Variants in LPP observed in about 807,000 individuals in gnomAD.
The protein encoded by LPP is LIM domain containing preferred translocation partner in lipoma, also known as lipoma-preferred partner.
In LPP, 38 loss-of-function variants were observed where a neutral mutation model predicts 60.4. The ratio of observed to expected loss-of-function variants is 0.63; its 90% CI spans 0.49 to 0.83. The LOEUF (loss-of-function observed/expected upper bound fraction) is 0.83. Among genes scored for constraint, LPP ranks in the 40% least tolerant of loss-of-function variants. The pLI is 0.00. For synonymous variants in LPP, 328 were observed against 290.8 expected, an observed-to-expected ratio of 1.13 and a Z score of -1.30; for missense variants, 902 against 783.6, an observed-to-expected ratio of 1.15 and a Z score of -1.80.
chr3:188,641,771 G>A (rs1026853125), intron 7 of LPP, among the ~76,000 whole-genome samples: 30 of 152,134 alleles, frequency 2.0e-4, no homozygotes, highest in African/African-American at 6.7e-4. Flanking sequence ...GGAAGGTTTC[G>A]GATGGACCAA....
rs1213341701 is a variant in LPP at position 188,840,769 on chromosome 3, AACT to A, written c.1411-25428_1411-25426del. Among the ~76,000 whole-genome samples the A allele has an allele frequency of 2.0e-5, 3 of 152,318 alleles. No individual in the cohort carries two copies. The East Asian group carries it at 5.8e-4, about 29-fold the overall frequency. ...ATTATCCTCATCTTACACATGAGGA[AACT>A]ACCAGTGAAGTGGCTTGCCCATCAT... On this transcript the variant is annotated intron_variant, in intron 9 of 11. Transcript: ENST00000617246.
chr3:188,626,325 T>G (rs1165163755), intron 7 of LPP, among the ~76,000 whole-genome samples: 2 of 152,208 alleles, frequency 1.3e-5, no homozygotes, highest in Admixed American at 1.3e-4. Flanking sequence ...GTATTTTAAC[T>G]AATCTAGAGA....
At chr3:188,321,583 A>T (rs1756974656) in intron 2 of LPP, among the ~76,000 whole-genome samples, 1 of 152,182 alleles carries the variant, frequency 6.6e-6, no homozygotes, top group African/African-American at 2.4e-5. Flanking sequence ...GGCTCATTTT[A>T]TATTATTGCT....
chr3:188,822,710 C>T lies in LPP; in HGVS notation c.1411-43490C>T, dbSNP rs1754319639. On this transcript the variant is annotated intron_variant, in intron 9 of 11. Coordinates refer to ENST00000617246, the MANE Select transcript of LPP (RefSeq NM_001375462.1). ...GAACAGGGCAGAGCTTGTCATTATG[C>T]CTGGGACATAGTGGGCATTCAGTAG... Among the ~76,000 whole-genome samples the T allele has an allele frequency of 4.6e-5, 7 of 152,210 alleles. 1 individual carries two copies. In the South Asian group the frequency reaches 1.5e-3, roughly 32 times the overall value.
chr3:188,434,387 T>C (rs1437926676), intron 4 of LPP, among the ~76,000 whole-genome samples: 2 of 152,188 alleles, frequency 1.3e-5, no homozygotes, highest in Non-Finnish European at 2.9e-5. Context: ...ACAAAAATTC[T>C]TTTGGATACC....
chr3:188,255,213 C>T (rs1398139003), intron 2 of LPP, among the ~76,000 whole-genome samples: 2 of 152,202 alleles, frequency 1.3e-5, no homozygotes, highest in Non-Finnish European at 2.9e-5. Context: ...CTGCTGAAGA[C>T]TCTGCTGGAT....
At chr3:188,349,762 G>C (rs1198272977) in intron 3 of LPP, among the ~76,000 whole-genome samples, 1 of 152,224 alleles carries the variant, frequency 6.6e-6, no homozygotes, top group Non-Finnish European at 1.5e-5. Context: ...TAGCCGAAAA[G>C]GTGGCAGCAC....
At chr3:188,475,860 G>A (rs1161644856) in intron 4 of LPP, among the ~76,000 whole-genome samples, 3 of 152,082 alleles carry the variant, frequency 2.0e-5, no homozygotes, top group East Asian at 3.9e-4. Context: ...CCGAGATTGC[G>A]CCACTGCAGT....
chr3:188,592,563 T>TTTTTTTTTCTTTTTTTTTGG, intron 6 of LPP, among the ~76,000 whole-genome samples: 1 of 77,226 alleles, frequency 1.3e-5, no homozygotes, highest in African/African-American at 4.7e-5. Flanking sequence ...TTTTGTTTTT[T>TTTTTTTTTCTTTTTTTTTGG]AAATGGAGTC....
At chr3:188,297,314 G>A (rs1748265865) in intron 2 of LPP, among the ~76,000 whole-genome samples, 1 of 152,172 alleles carries the variant, frequency 6.6e-6, no homozygotes, top group South Asian at 2.1e-4. Flanking sequence ...GACATTGCTT[G>A]TAAATTTCAG....
chr3:188,483,805 C>T (rs1410308337), intron 4 of LPP, among the ~76,000 whole-genome samples: 1 of 152,190 alleles, frequency 6.6e-6, no homozygotes, highest in Non-Finnish European at 1.5e-5. Flanking sequence ...TTCTCCTAAT[C>T]TGTCCTGCAT....
At chr3:188,846,702 A>AC (rs1189211595) in intron 9 of LPP, among the ~76,000 whole-genome samples, 3 of 149,990 alleles carry the variant, frequency 2.0e-5, no homozygotes, top group African/African-American at 7.5e-5. Context: ...AAAAAAAAAA[A>AC]AGAGAGAGAA....
At chr3:188,273,101 C>T (rs1738369552) in intron 2 of LPP, among the ~76,000 whole-genome samples, 1 of 152,160 alleles carries the variant, frequency 6.6e-6, no homozygotes, top group Non-Finnish European at 1.5e-5. Context: ...TTCCAGGCTT[C>T]AGCCTACCCA....
At chr3:188,830,390 G>A (rs1296378840) in intron 9 of LPP, among the ~76,000 whole-genome samples, 1 of 151,506 alleles carries the variant, frequency 6.6e-6, no homozygotes, top group African/African-American at 2.4e-5. Context: ...AGATCACGAG[G>A]TCAGGAGATC....
chr3:188,686,274 A>C (rs568867805), intron 7 of LPP, among the ~76,000 whole-genome samples: 216 of 152,312 alleles, frequency 1.4e-3, no homozygotes, highest in Non-Finnish European at 2.6e-3. Context: ...CCAGTGGCTG[A>C]TTCTGTTTTA....
chr3:188,455,478 G>T (rs966794856), intron 4 of LPP, among the ~76,000 whole-genome samples: 6 of 152,200 alleles, frequency 3.9e-5, no homozygotes, highest in Non-Finnish European at 7.3e-5. Flanking sequence ...CAGAAGAAGT[G>T]TAGTCATATC....
chr3:188,812,738 C>T (rs1751359996), intron 9 of LPP, among the ~76,000 whole-genome samples: 1 of 151,724 alleles, frequency 6.6e-6, no homozygotes, highest in Admixed American at 6.6e-5. Context: ...GAGATTTCCC[C>T]TCATGCCCAG....
At chr3:188,556,586 A>G (rs943349956) in intron 6 of LPP, among the ~76,000 whole-genome samples, 2 of 151,920 alleles carry the variant, frequency 1.3e-5, no homozygotes, top group Non-Finnish European at 2.9e-5. Context: ...AGTCGGTTGC[A>G]CTATTTTCTG....
chr3:188,384,191 C>A (rs746126461), intron 3 of LPP, among the ~76,000 whole-genome samples: 1 of 152,034 alleles, frequency 6.6e-6, no homozygotes, highest in Non-Finnish European at 1.5e-5. Flanking sequence ...TTGCCCTTGC[C>A]CATTTGATCT....
Sources: gnomAD v4.1 joint callset for allele counts (sites outside exome capture counted in the v4.1 genomes callset) on GRCh38, gnomAD v4.1.1 for gene constraint, MANE v1.5 for transcripts, NCBI Gene and HGNC (gene_info 2026-07-23, HGNC 2026-07-21) for gene names.